ADGRG7: variants seen among roughly 807,000 people sequenced by gnomAD.
ADGRG7 encodes the protein adhesion G protein-coupled receptor G7, also known as G-protein coupled receptor 128.
In ADGRG7, 82 loss-of-function variants were observed where a neutral mutation model predicts 88.6. The ratio of observed to expected loss-of-function variants is 0.93; its 90% confidence interval spans 0.77 to 1.11. The LOEUF (loss-of-function observed/expected upper bound fraction) is 1.11. Ranked by LOEUF, ADGRG7 falls within the 50% of genes most tolerant of loss-of-function variation. ADGRG7 has a pLI of 0.00. For synonymous variants in ADGRG7, 381 were observed against 345.2 expected (o/e 1.10, Z -1.15); for missense variants, 945 against 953.4 (o/e 0.99, Z 0.12).
intron 15 of ADGRG7, among the ~76,000 whole-genome samples, chr3:100,686,896 G>A (rs1272308525): frequency 6.6e-6 from 1 of 152,154 alleles, no homozygotes; most frequent in Non-Finnish European, 1.5e-5. Context: ...CTTTAAAGTA[G>A]TTTTTTCCAA....
chr3:100,659,810 A>G lies in ADGRG7; in HGVS notation c.1946A>G (p.Lys649Arg). The G allele has an allele frequency of 1.2e-6, 2 of 1,613,988 alleles. No individual in the cohort carries two copies. Among genetic ancestry groups the G allele is most frequent in the Non-Finnish European group, 8.5e-7 (1 of 1,179,946 alleles). Residue 649 changes from lysine to arginine, a missense_variant, in exon 14 of 16, where the codon AAA becomes AGA. Physicochemically the swap from Lys to Arg is conservative, Grantham distance 26 (BLOSUM62 2). Transcript: ENST00000273352. ...NVVMFITISIKVLWKNNQNLT... is the reference protein window; with the variant it reads ...NVVMFITISIRVLWKNNQNLT... ...GTTATGTTTATTACAATCTCGATCA[A>G]AGTGCTGTGGAAGAATAACCAGAAC...
intron 15 of ADGRG7, among the ~76,000 whole-genome samples, chr3:100,690,717 G>T: frequency 6.6e-6 from 1 of 151,764 alleles, no homozygotes; most frequent in East Asian, 1.9e-4. Flanking sequence ...CTGCCTGATC[G>T]TTCCTCTGGA....
chr3:100,619,472 A>T (rs1259421079), intron 1 of ADGRG7, among the ~76,000 whole-genome samples: 1 of 152,172 alleles, frequency 6.6e-6, no homozygotes, highest in African/African-American at 2.4e-5. Flanking sequence ...TCTAAAATTG[A>T]CACCCTAACA....
At chr3:100,639,532 A>G (rs1055485434) in intron 6 of ADGRG7, among the ~76,000 whole-genome samples, 1 of 152,200 alleles carries the variant, frequency 6.6e-6, no homozygotes, top group Admixed American at 6.5e-5. Flanking sequence ...GGCCCTTCTC[A>G]TGGAGAATGT....
intron 15 of ADGRG7, among the ~76,000 whole-genome samples, chr3:100,677,555 C>T (rs1478344044): frequency 6.6e-6 from 1 of 151,986 alleles, no homozygotes; most frequent in Non-Finnish European, 1.5e-5. Context: ...TTTCTTATTG[C>T]TTATTTTCTT....
At chr3:100,694,668 C>T in intron 15 of ADGRG7, 76 bp from the exon 16 acceptor site, 3 of 1,346,626 alleles carry the variant, frequency 2.2e-6, no homozygotes, top group South Asian at 1.4e-5. Context: ...GGTTGGGTGG[C>T]AGAGTGAAAT....
chr3:100,644,187 T>A (rs1576322287), intron 8 of ADGRG7, among the ~76,000 whole-genome samples: 1 of 149,972 alleles, frequency 6.7e-6, no homozygotes. Context: ...TTTCAAAATC[T>A]AAAAAAAAAA....
intron 6 of ADGRG7, among the ~76,000 whole-genome samples, chr3:100,639,453 G>A (rs1272155286): frequency 6.6e-6 from 1 of 152,204 alleles, no homozygotes; most frequent in Non-Finnish European, 1.5e-5. Context: ...ATTCTGAGAG[G>A]TGGTTGTAGA....
Position 100,681,190 on chromosome 3 carries a change from T to C in ADGRG7, c.2136+12085T>C, listed in dbSNP as rs141417020. On this transcript the variant is annotated intron_variant, in intron 15 of 15. Transcript: ENST00000273352. The stretch of plus-strand genomic sequence containing the variant: ...CCAAAATGGTGGATAAAAATAAATT[T>C]GTTTGACTTTGGAGAGGTTTTTTTT... Among the ~76,000 whole-genome samples the C allele has an allele frequency of 3.4e-3, 512 of 152,198 alleles. 5 individuals are homozygous for C. Among genetic ancestry groups the C allele is most frequent in the Non-Finnish European group, 5.0e-3 (338 of 68,008 alleles).
At chr3:100,669,169 T>G (rs568197873) in intron 15 of ADGRG7, 64 bp downstream of exon 15, 1 of 1,298,350 alleles carries the variant, frequency 7.7e-7, no homozygotes, top group African/African-American at 1.5e-5. Flanking sequence ...TCTTGATATC[T>G]TAGTTACCTT....
chr3:100,665,101 C>G, intron 14 of ADGRG7: 1 of 514,736 alleles, frequency 1.9e-6, no homozygotes. Flanking sequence ...TCAGTTCTTC[C>G]GTATTTCTTA....
chr3:100,620,554 G>C (rs1183075680), intron 1 of ADGRG7, among the ~76,000 whole-genome samples: 1 of 152,120 alleles, frequency 6.6e-6, no homozygotes, highest in Non-Finnish European at 1.5e-5. Context: ...GGAAGTTCTG[G>C]CCAGGGCAAT....
At chr3:100,628,083 T>C (rs1559672335) in intron 1 of ADGRG7, among the ~76,000 whole-genome samples, 1 of 152,154 alleles carries the variant, frequency 6.6e-6, no homozygotes, top group Non-Finnish European at 1.5e-5. Flanking sequence ...CCAGTTGTTC[T>C]TGCAACCCCA....
chr3:100,662,805 T>G (rs1256016119), intron 14 of ADGRG7, among the ~76,000 whole-genome samples: 1 of 151,764 alleles, frequency 6.6e-6, no homozygotes, highest in East Asian at 1.9e-4. Flanking sequence ...AAACTGGAAT[T>G]ATGAAAAAAA....
At chr3:100,659,883 C>T in intron 14 of ADGRG7, 40 bp downstream of exon 14, 2 of 1,595,394 alleles carry the variant, frequency 1.3e-6, no homozygotes, top group South Asian at 1.1e-5. Context: ...AGGCAAGGCT[C>T]ATCCAGCACT....
At position 100,633,249 on chromosome 3, in the gene ADGRG7, T is replaced by A. The variant is rs750308740; in HGVS notation, c.335-16T>A. ...ATAAATACTTATTTTTAATAAAAAATTTCTTTGTATTAAAGCGGGCAATCC... is the reference window on the plus strand; with the variant it reads ...ATAAATACTTATTTTTAATAAAAAAATTCTTTGTATTAAAGCGGGCAATCC... On this transcript the variant is annotated splice_polypyrimidine_tract_variant and intron_variant, in intron 3 of 15. Transcript: ENST00000273352. The A allele has an allele frequency of 3.7e-5, 47 of 1,282,346 alleles. No homozygotes were observed. The highest frequency in any genetic ancestry group is 1.1e-4 in the Admixed American group (4 of 35,078). The allele number at this position is 1,282,346 out of a possible 1,614,324, so 79.4% of individuals were successfully genotyped here.
rs1438342268 is a variant in ADGRG7, at chr3:100,630,726, C to T, written c.251C>T (p.Thr84Ile). 2 of 1,432,362 alleles carry T rather than the reference C, an allele frequency of 1.4e-6. No homozygotes were observed. The highest frequency in any genetic ancestry group is 1.8e-6 in the Non-Finnish European group (2 of 1,086,662). The allele number at this position is 1,432,362 out of a possible 1,614,324, so 88.7% of individuals were successfully genotyped here. A position where few individuals can be genotyped will look rare whatever the true frequency, so the allele number is the denominator to read the frequency against. ...ACAGCTAATTTTTGTGAAAATAGTA[C>T]CTATATGGGTTTTACTTTTGCCAGA... is the stretch of plus-strand genomic sequence containing the variant. ...CTIANFCENS[T>I]YMGFTFARIP... The change falls in exon 3 of 16, where the codon ACC becomes ATC. Residue 84 changes from threonine to isoleucine, a missense_variant. Physicochemically the swap from Thr to Ile is moderately conservative, Grantham distance 89 (BLOSUM62 -1). Coordinates refer to ENST00000273352, the MANE Select transcript of ADGRG7 (RefSeq NM_032787.3).
chr3:100,641,487 C>T (rs1293327528), intron 6 of ADGRG7, among the ~76,000 whole-genome samples: 6 of 152,240 alleles, frequency 3.9e-5, no homozygotes, highest in South Asian at 2.1e-4. Flanking sequence ...GGCAATTAAT[C>T]TGTAACATAG....
At chr3:100,659,371 C>T (rs1366438452) in intron 13 of ADGRG7, among the ~76,000 whole-genome samples, 3 of 129,548 alleles carry the variant, frequency 2.3e-5, no homozygotes, top group Non-Finnish European at 3.1e-5. Context: ...ACCCAGGAGG[C>T]GGAGCTTGCA....
Sources: allele counts gnomAD v4.1 joint callset (sites outside exome capture counted in the v4.1 genomes callset), GRCh38; gene constraint gnomAD v4.1.1; transcripts MANE v1.5; gene names NCBI Gene and HGNC (gene_info 2026-07-23, HGNC 2026-07-21).